Variants in PAG1 observed in about 807,000 individuals in gnomAD.
The protein encoded by PAG1 is phosphoprotein associated with glycosphingolipid-enriched microdomains 1.
A neutral mutation model predicts 31.7 loss-of-function variants in PAG1; 23 were observed. That is an observed-to-expected ratio of 0.73 (90% CI 0.52 to 1.03). The LOEUF (loss-of-function observed/expected upper bound fraction) is 1.03, where lower values mean the gene tolerates loss of function less well. Ranked by LOEUF, PAG1 falls within the 50% of genes least tolerant of loss-of-function variation. PAG1 has a pLI of 0.00. For synonymous variants in PAG1, 214 were observed against 210.3 expected, an observed-to-expected ratio of 1.02 and a Z score of -0.15; for missense variants, 473 against 540.7, an observed-to-expected ratio of 0.87 and a Z score of 1.24.
chr8:81,005,646 C>T (rs753931348), intron 3 of PAG1, among the ~76,000 whole-genome samples: 14 of 152,192 alleles, frequency 9.2e-5, no homozygotes, highest in Non-Finnish European at 1.6e-4. Context: ...TGAGCAAGTG[C>T]GTGTTCTGTC....
At chr8:81,080,597 C>T (rs554021042) in intron 1 of PAG1, among the ~76,000 whole-genome samples, 3 of 152,200 alleles carry the variant, frequency 2.0e-5, no homozygotes, top group South Asian at 4.1e-4. Context: ...CCCTAAACAT[C>T]CTATATCTAA....
intron 2 of PAG1, among the ~76,000 whole-genome samples, chr8:81,043,949 G>A (rs181175981): frequency 2.9e-4 from 44 of 152,298 alleles, no homozygotes; most frequent in Admixed American, 2.3e-3. Context: ...TGCTGTGGAT[G>A]TGCAGATTTC....
chr8:80,980,295 T>A (rs1807271996), intron 8 of PAG1, 140 bp downstream of exon 8: 2 of 600,642 alleles, frequency 3.3e-6, no homozygotes, highest in South Asian at 4.1e-5. Flanking sequence ...AAAACCAGCA[T>A]CCCAAGTCTT....
chr8:81,019,177 T>C (rs1808120361), intron 3 of PAG1, among the ~76,000 whole-genome samples: 1 of 152,196 alleles, frequency 6.6e-6, no homozygotes, highest in South Asian at 2.1e-4. Context: ...AAGAAATTTC[T>C]AAGCAGCAAA....
intron 1 of PAG1, among the ~76,000 whole-genome samples, chr8:81,096,340 T>C (rs1028788378): frequency 1.8e-4 from 27 of 152,088 alleles, no homozygotes; most frequent in African/African-American, 5.8e-4. Flanking sequence ...GAGAAGAGAC[T>C]TCACAAAGAT....
At chr8:81,030,291 TA>T (rs1293899965) in intron 2 of PAG1, among the ~76,000 whole-genome samples, 5 of 152,160 alleles carry the variant, frequency 3.3e-5, no homozygotes, top group Non-Finnish European at 7.4e-5. Context: ...AAAATTTCAA[TA>T]AAGAAAACTT....
chr8:81,014,864 T>C (rs1328634610), intron 3 of PAG1, among the ~76,000 whole-genome samples: 1 of 152,138 alleles, frequency 6.6e-6, no homozygotes. Flanking sequence ...ATCGGGCGGA[T>C]AGAGGGCCCT....
chr8:81,054,614 T>G (rs1347231822), intron 2 of PAG1, among the ~76,000 whole-genome samples: 1 of 151,926 alleles, frequency 6.6e-6, no homozygotes, highest in Non-Finnish European at 1.5e-5. Context: ...AGATGGAGCT[T>G]GCAGTGAGCC....
intron 1 of PAG1, among the ~76,000 whole-genome samples, chr8:81,077,154 A>G (rs1809192391): frequency 6.6e-6 from 1 of 152,226 alleles, no homozygotes; most frequent in Non-Finnish European, 1.5e-5. Flanking sequence ...TAGAAAGGCA[A>G]ACCCTGGGCC....
At chr8:81,058,016 G>A (rs1008526861) in intron 2 of PAG1, among the ~76,000 whole-genome samples, 1 of 152,046 alleles carries the variant, frequency 6.6e-6, no homozygotes, top group African/African-American at 2.4e-5. Context: ...CCTTAAGGGA[G>A]GTATCAAAAA....
chr8:80,990,562 C>A lies in PAG1; in HGVS notation c.177+917G>T, dbSNP rs1807519377. 6.6e-6 allele frequency among the ~76,000 whole-genome samples: 1 copy of A among 152,134 alleles called. No homozygotes were observed. Among genetic ancestry groups the A allele is most frequent in the African/African-American group, 2.4e-5 (1 of 41,432 alleles). On this transcript the variant is annotated intron_variant, in intron 5 of 8. Coordinates refer to ENST00000220597, the MANE Select transcript of PAG1 (RefSeq NM_018440.4). This position sits in a 1 kb window ranked among gnomAD's most constrained non-coding sequence, Gnocchi z 5.1. ...TGCTAATGTGACGATGGGCCCCCTC[C>A]CCAGCGGCTGGGACTGCTCAGCCAT...
chr8:81,051,552 G>C (rs1272898277), intron 2 of PAG1, among the ~76,000 whole-genome samples: 2 of 152,120 alleles, frequency 1.3e-5, no homozygotes, highest in African/African-American at 4.8e-5. Flanking sequence ...CAGTCATTAG[G>C]ACGACTGAAC....
intron 7 of PAG1, among the ~76,000 whole-genome samples, chr8:80,982,720 G>A (rs1447470079): frequency 5.9e-5 from 9 of 152,168 alleles, no homozygotes; most frequent in Non-Finnish European, 1.5e-5. Flanking sequence ...TGCTCTGCCT[G>A]TATCCTCTTC....
intron 2 of PAG1, among the ~76,000 whole-genome samples, chr8:81,048,724 C>T (rs557493246): frequency 2.6e-5 from 4 of 152,172 alleles, no homozygotes; most frequent in Non-Finnish European, 5.9e-5. Flanking sequence ...TTTACATCAA[C>T]GACGCTAGCA....
At chr8:81,019,268 G>A (rs568453497) in intron 3 of PAG1, among the ~76,000 whole-genome samples, 1 of 152,340 alleles carries the variant, frequency 6.6e-6, no homozygotes, top group East Asian at 1.9e-4. Context: ...CCCATTTTCT[G>A]GGAGAAATTC....
chr8:81,031,794 C>A (rs187839227), intron 2 of PAG1, among the ~76,000 whole-genome samples: 151 of 152,204 alleles, frequency 9.9e-4, no homozygotes, highest in African/African-American at 3.5e-3. Context: ...ATACATTTTG[C>A]GACTTAAAAA....
chr8:80,996,299 G>A (rs1363779670), intron 3 of PAG1, among the ~76,000 whole-genome samples: 2 of 152,202 alleles, frequency 1.3e-5, no homozygotes, highest in Admixed American at 1.3e-4. Flanking sequence ...GTGGTGGGGA[G>A]GTGGGAGGAG....
In PAG1 at chr8:81,100,815, A is replaced by G. The variant is rs115400604; in HGVS notation, c.-234+10776T>C. On this transcript the variant is annotated intron_variant, in intron 1 of 8. Coordinates refer to ENST00000220597, the MANE Select transcript of PAG1 (RefSeq NM_018440.4). ...TTCTCCATGTAACTGTGGAGAAGCAAAAGCTAATTCTAATATAAGGCTGAC... is the reference window on the plus strand; with the variant it reads ...TTCTCCATGTAACTGTGGAGAAGCAGAAGCTAATTCTAATATAAGGCTGAC... Among the ~76,000 whole-genome samples the G allele has an allele frequency of 9.7e-3, 1,476 of 152,334 alleles. 28 individuals carry two copies. Among genetic ancestry groups the G allele is most frequent in the African/African-American group, 0.032 (1,340 of 41,574 alleles).
chr8:80,983,942 A>G (rs997128143), intron 7 of PAG1, among the ~76,000 whole-genome samples: 2 of 152,250 alleles, frequency 1.3e-5, no homozygotes, highest in African/African-American at 4.8e-5. Flanking sequence ...TAATTTATAC[A>G]AACAGAGTGA....
Sources: gnomAD v4.1 joint callset for allele counts (sites outside exome capture counted in the v4.1 genomes callset) on GRCh38, gnomAD v4.1.1 for gene constraint, Gnocchi (gnomAD v3.1) non-coding constraint, MANE v1.5 for transcripts, NCBI Gene and HGNC (gene_info 2026-07-23, HGNC 2026-07-21) for gene names.